Variants in RNLS observed in about 807,000 individuals in gnomAD.
The protein encoded by RNLS is renalase, FAD dependent amine oxidase.
Under a neutral mutation model 39.8 loss-of-function variants are expected in RNLS, and 39 were observed. The ratio of observed to expected loss-of-function variants is 0.98; its 90% CI spans 0.76 to 1.28. RNLS has a LOEUF of 1.28. Among genes scored for constraint, RNLS ranks in the 50% most tolerant of loss-of-function variants. The probability of loss-of-function intolerance (pLI) is 0.00; values close to 1 mark genes in which losing one functional copy is unlikely to be tolerated. For synonymous variants in RNLS, 147 were observed against 150.7 expected (o/e 0.98, Z 0.18); for missense variants, 410 against 413.3 (o/e 0.99, Z 0.07).
chr10:88,319,757 T>C lies in RNLS; in HGVS notation c.701-5116A>G, dbSNP rs143396997. 3.3e-5 allele frequency among the ~76,000 whole-genome samples: 5 copies of C among 151,718 alleles called. No individual in the cohort carries two copies. In the East Asian group the frequency reaches 9.7e-4, roughly 29 times the overall value. ...AAAAATAAAAAAGAATTTAGAAAAA[T>C]GAAGAAAGCCTTTGAAAAATATGGG... On this transcript the variant is annotated intron_variant, in intron 5 of 6. Transcript: ENST00000331772.
chr10:88,359,177 A>C (rs974015373), intron 5 of RNLS, among the ~76,000 whole-genome samples: 1 of 152,110 alleles, frequency 6.6e-6, no homozygotes, highest in Non-Finnish European at 1.5e-5. Flanking sequence ...TTAGCTGGGC[A>C]TGGAGGCGGG....
chr10:88,194,565 G>A, the RNLS span, among the ~76,000 whole-genome samples: 1 of 152,222 alleles, frequency 6.6e-6, no homozygotes, highest in South Asian at 2.1e-4. Context: ...GGTAGAGTCA[G>A]AAGTAAGCCA....
At chr10:88,387,635 T>G (rs551963743) in intron 4 of RNLS, among the ~76,000 whole-genome samples, 1 of 152,336 alleles carries the variant, frequency 6.6e-6, no homozygotes, top group African/African-American at 2.4e-5. Context: ...TCATTGATAT[T>G]GTCTTTACAA....
intron 4 of RNLS, among the ~76,000 whole-genome samples, chr10:88,411,143 A>G (rs955807496): frequency 1.3e-5 from 2 of 152,168 alleles, no homozygotes; most frequent in Middle Eastern, 3.2e-3. Context: ...TGCACAGTCA[A>G]TTAGCCAACC....
At chr10:88,181,317 G>T in the RNLS span, among the ~76,000 whole-genome samples, 1 of 152,128 alleles carries the variant, frequency 6.6e-6, no homozygotes, top group Non-Finnish European at 1.5e-5. Flanking sequence ...AGAGGAAACA[G>T]GGGCCTATTC....
intron 4 of RNLS, among the ~76,000 whole-genome samples, chr10:88,464,706 C>A (rs926137752): frequency 1.3e-5 from 2 of 151,926 alleles, no homozygotes; most frequent in Non-Finnish European, 2.9e-5. Flanking sequence ...ATTAACAATA[C>A]AGCTGCCTCT....
At chr10:88,267,181 T>C in the RNLS span, among the ~76,000 whole-genome samples, 1 of 152,164 alleles carries the variant, frequency 6.6e-6, no homozygotes, top group Middle Eastern at 3.2e-3. Context: ...AATTCTAGTT[T>C]TAGTGAATTA....
intron 5 of RNLS, among the ~76,000 whole-genome samples, chr10:88,361,912 T>C (rs1217501975): frequency 6.6e-6 from 1 of 152,176 alleles, no homozygotes; most frequent in Non-Finnish European, 1.5e-5. Flanking sequence ...CCTTTTTGCC[T>C]AAAAGGAATC....
the RNLS span, among the ~76,000 whole-genome samples, chr10:88,238,872 A>G: frequency 6.6e-6 from 1 of 152,212 alleles, no homozygotes; most frequent in Non-Finnish European, 1.5e-5. Context: ...GTTTCTAAGA[A>G]GCTTGAGGTG....
the RNLS span, among the ~76,000 whole-genome samples, chr10:88,184,488 A>C: frequency 7.1e-4 from 108 of 152,218 alleles, no homozygotes; most frequent in Non-Finnish European, 1.4e-3. Context: ...TCATGCTGGG[A>C]GACAGAGATA....
chr10:88,532,312 A>G (rs1282141456), intron 4 of RNLS, among the ~76,000 whole-genome samples: 1 of 152,060 alleles, frequency 6.6e-6, no homozygotes, highest in Non-Finnish European at 1.5e-5. Flanking sequence ...GATTTTAGTT[A>G]TTATAACTTT....
At chr10:88,265,555 A>G in the RNLS span, among the ~76,000 whole-genome samples, 1 of 151,822 alleles carries the variant, frequency 6.6e-6, no homozygotes. Context: ...TTCTTTGTAG[A>G]GGTCTTTCAT....
the RNLS span, among the ~76,000 whole-genome samples, chr10:88,266,159 T>C: frequency 5.9e-5 from 9 of 152,296 alleles, no homozygotes; most frequent in Admixed American, 5.2e-4. Flanking sequence ...CACGTGATGC[T>C]AAGCCAGGAG....
intron 4 of RNLS, among the ~76,000 whole-genome samples, chr10:88,439,536 T>TA (rs1189418073): frequency 6.6e-6 from 1 of 152,196 alleles, no homozygotes; most frequent in African/African-American, 2.4e-5. Context: ...AAGGAATATA[T>TA]AAGTATGATT....
intron 4 of RNLS, among the ~76,000 whole-genome samples, chr10:88,417,655 T>A (rs2133738871): frequency 6.6e-6 from 1 of 152,204 alleles, no homozygotes; most frequent in East Asian, 1.9e-4. Flanking sequence ...ATATGAGCCA[T>A]AGCCCTTTAA....
At chr10:88,184,834 G>A in the RNLS span, among the ~76,000 whole-genome samples, 4 of 152,160 alleles carry the variant, frequency 2.6e-5, no homozygotes, top group African/African-American at 7.2e-5. Flanking sequence ...GTACCTTTTT[G>A]TGTCCTGAGG....
intron 4 of RNLS, among the ~76,000 whole-genome samples, chr10:88,501,706 T>A (rs896074101): frequency 6.6e-6 from 1 of 152,198 alleles, no homozygotes; most frequent in African/African-American, 2.4e-5. Flanking sequence ...CTTTAATTCA[T>A]AACCTAAAAC....
chr10:88,189,479 C>T, the RNLS span, among the ~76,000 whole-genome samples: 1 of 151,982 alleles, frequency 6.6e-6, no homozygotes, highest in African/African-American at 2.4e-5. Flanking sequence ...GAAAATTACT[C>T]TTCCAAGACA....
chr10:88,221,685 A>G, the RNLS span, among the ~76,000 whole-genome samples: 2 of 152,158 alleles, frequency 1.3e-5, no homozygotes, highest in African/African-American at 4.8e-5. Flanking sequence ...ACAATCTTCC[A>G]TTTTGGAGTA....
Sources: allele counts gnomAD v4.1 joint callset (sites outside exome capture counted in the v4.1 genomes callset), GRCh38; gene constraint gnomAD v4.1.1; transcripts MANE v1.5; gene names NCBI Gene and HGNC (gene_info 2026-07-23, HGNC 2026-07-21).